PTN: variants seen among roughly 807,000 people sequenced by gnomAD.
PTN encodes heparin affin regulatory protein.
Under a neutral mutation model 24.1 loss-of-function variants are expected in PTN, and 18 were observed. The observed-to-expected ratio is 0.75, with a 90% confidence interval of 0.52 to 1.11. PTN has a LOEUF of 1.11. Among genes scored for constraint, PTN ranks in the 50% least tolerant of loss-of-function variants. The probability of loss-of-function intolerance (pLI) is 0.00; values close to 1 mark genes in which losing one functional copy is unlikely to be tolerated. For synonymous variants in PTN, 78 were observed against 68.6 expected, an observed-to-expected ratio of 1.14 and a Z score of -0.67; for missense variants, 163 against 198.8, an observed-to-expected ratio of 0.82 and a Z score of 1.08.
intron 1 of PTN, among the ~76,000 whole-genome samples, chr7:137,266,859 A>G (rs977169429): frequency 3.2e-4 from 43 of 134,670 alleles, no homozygotes; most frequent in Admixed American, 3.0e-3. Context: ...TAGAATTTGT[A>G]TAGATGGCCT....
intron 1 of PTN, among the ~76,000 whole-genome samples, chr7:137,280,679 C>G (rs1315631947): frequency 1.6e-5 from 1 of 63,766 alleles, no homozygotes; most frequent in African/African-American, 5.6e-5. Context: ...CATGGCAAAA[C>G]CCCGTCTCTA....
At chr7:137,331,573 G>A (rs2128882730) in intron 1 of PTN, among the ~76,000 whole-genome samples, 1 of 152,276 alleles carries the variant, frequency 6.6e-6, no homozygotes, top group South Asian at 2.1e-4. Context: ...TAATAACAGA[G>A]CAAATAACTC....
intron 4 of PTN, among the ~76,000 whole-genome samples, chr7:137,236,654 C>G (rs1048403674): frequency 1.3e-5 from 2 of 151,988 alleles, no homozygotes; most frequent in Non-Finnish European, 2.9e-5. Context: ...TACCTAAACA[C>G]AAAAGAACGA....
intron 1 of PTN, among the ~76,000 whole-genome samples, chr7:137,299,060 T>C (rs1011513531): frequency 6.6e-5 from 10 of 151,962 alleles, no homozygotes; most frequent in Non-Finnish European, 8.8e-5. Flanking sequence ...GCACTGAGCA[T>C]TCCTACACAC....
intron 1 of PTN, among the ~76,000 whole-genome samples, chr7:137,273,177 G>T (rs539473091): frequency 6.6e-6 from 1 of 152,254 alleles, no homozygotes; most frequent in Admixed American, 6.5e-5. Flanking sequence ...TTGACCCACA[G>T]ATTTCATTTA....
intron 4 of PTN, among the ~76,000 whole-genome samples, chr7:137,234,312 A>G (rs1231479205): frequency 6.6e-6 from 1 of 151,986 alleles, no homozygotes; most frequent in Non-Finnish European, 1.5e-5. Context: ...AAATCATCGA[A>G]TGCTTAAATT....
intron 1 of PTN, among the ~76,000 whole-genome samples, chr7:137,279,849 G>A (rs1407417224): frequency 6.6e-6 from 1 of 152,200 alleles, no homozygotes. Context: ...AAGCCAGAAA[G>A]GCTGACAGAG....
At chr7:137,340,842 C>T (rs902493945) in intron 1 of PTN, among the ~76,000 whole-genome samples, 2 of 152,182 alleles carry the variant, frequency 1.3e-5, no homozygotes, top group African/African-American at 2.4e-5. Flanking sequence ...AGGATGTTTG[C>T]ACTCATCACA....
At chr7:137,337,107 A>G (rs1810462013) in intron 1 of PTN, among the ~76,000 whole-genome samples, 1 of 152,136 alleles carries the variant, frequency 6.6e-6, no homozygotes, top group Non-Finnish European at 1.5e-5. Flanking sequence ...CCACCTCTTA[A>G]ATCAGAACTG....
chr7:137,232,994 T>C (rs1808454588), intron 4 of PTN, among the ~76,000 whole-genome samples: 1 of 151,966 alleles, frequency 6.6e-6, no homozygotes, highest in Admixed American at 6.6e-5. Flanking sequence ...CTTTTCTTTA[T>C]AGATTACCCA....
chr7:137,255,014 C>A (rs1025087512), intron 1 of PTN, 40 bp from the exon 2 acceptor site: 2 of 1,411,690 alleles, frequency 1.4e-6, no homozygotes, highest in East Asian at 2.3e-5. Context: ...TGGCATTAAC[C>A]TAAGTCAGAA....
At chr7:137,263,017 TCA>T (rs2128872910) in intron 1 of PTN, among the ~76,000 whole-genome samples, 1 of 152,306 alleles carries the variant, frequency 6.6e-6, no homozygotes, top group South Asian at 2.1e-4. Flanking sequence ...TTCGAGACTC[TCA>T]CTTTTTATTA....
rs190158214 is a variant in PTN, at chr7:137,253,230, G to C, written c.289+234C>G. 3.9e-5 allele frequency among the ~76,000 whole-genome samples: 6 copies of C among 152,256 alleles called. No individual in the cohort carries two copies. In the East Asian group the frequency reaches 1.2e-3, roughly 29 times the overall value. The stretch of plus-strand genomic sequence containing the variant: ...TTCACATCTGGAGCGGGTGAGGAAT[G>C]CTACCGGAAACTAGCGAGTAGAAGC... On this transcript the variant is annotated intron_variant, in intron 3 of 4. Transcript: ENST00000348225.
rs773039970 is a variant in PTN at position 137,251,231 on chromosome 7, T to C, written c.450A>G (p.Gln150=). The part of the protein sequence containing the change: ...PCGKLTKPKP[Q]AESKKKKKEG... ...TGTGGTATAATGGCAAGGACTTACC[T>C]TGAGGTTTGGGCTTGGTCAGTTTGC... Residue 150 remains glutamine (Q), a splice_region_variant and synonymous_variant, in exon 4 of 5, where the codon CAA becomes CAG. Coordinates refer to ENST00000348225, the MANE Select transcript of PTN (RefSeq NM_002825.7). 5.0e-6 allele frequency: 8 copies of C among 1,613,930 alleles called. No homozygotes were observed. The highest frequency in any genetic ancestry group is 6.8e-6 in the Non-Finnish European group (8 of 1,179,924).
At chr7:137,327,732 C>G (rs753522559) in intron 1 of PTN, among the ~76,000 whole-genome samples, 2 of 152,202 alleles carry the variant, frequency 1.3e-5, no homozygotes, top group Non-Finnish European at 2.9e-5. Context: ...CTAAACCACT[C>G]TTTTATCATT....
chr7:137,276,236 A>T (rs1809356885), intron 1 of PTN, among the ~76,000 whole-genome samples: 1 of 152,180 alleles, frequency 6.6e-6, no homozygotes. Context: ...TCTGTTACAG[A>T]CTATTAAATT....
chr7:137,324,431 A>ATATATATATATATATATATATATATAT (rs1554383212), intron 1 of PTN, among the ~76,000 whole-genome samples: 1 of 63,082 alleles, frequency 1.6e-5, no homozygotes, highest in African/African-American at 8.1e-5. Context: ...AAAAAAAAAA[A>ATATATATATATATATATATATATATAT]AAATATATAT....
intron 4 of PTN, among the ~76,000 whole-genome samples, chr7:137,243,692 C>A (rs543516174): frequency 6.6e-6 from 1 of 152,148 alleles, no homozygotes; most frequent in Non-Finnish European, 1.5e-5. Flanking sequence ...TGGAGGTAGA[C>A]GTGACCAACT....
intron 1 of PTN, among the ~76,000 whole-genome samples, chr7:137,265,804 C>T (rs1015874898): frequency 1.3e-5 from 2 of 151,662 alleles, no homozygotes; most frequent in African/African-American, 4.9e-5. Flanking sequence ...TCCAACCAGG[C>T]ATTTGCATCT....
Sources: gnomAD v4.1 joint callset for allele counts (sites outside exome capture counted in the v4.1 genomes callset) on GRCh38, gnomAD v4.1.1 for gene constraint, MANE v1.5 for transcripts, NCBI Gene and HGNC (gene_info 2026-07-23, HGNC 2026-07-21) for gene names.